The following SETD9 variants were observed in gnomAD, a reference collection of about 807,000 sequenced individuals.
The protein encoded by SETD9 is SET domain-containing protein 9.
SETD9 carries 37 observed loss-of-function variants against 36.4 expected under a neutral mutation model. That is an observed-to-expected ratio of 1.02 (90% CI 0.78 to 1.34). The LOEUF is 1.34. Ranked by LOEUF, SETD9 falls within the 40% of genes most tolerant of loss-of-function variation. The pLI is 0.00. For synonymous variants in SETD9, 128 were observed against 132.9 expected, an observed-to-expected ratio of 0.96 and a Z score of 0.26; for missense variants, 323 against 353.2, an observed-to-expected ratio of 0.91 and a Z score of 0.69.
intron 2 of SETD9, among the ~76,000 whole-genome samples, chr5:56,912,761 A>G (rs1028924374): frequency 3.3e-5 from 5 of 152,174 alleles, no homozygotes; most frequent in Admixed American, 6.5e-5. Context: ...AAATGTGTAT[A>G]TGTATATATA....
At chr5:56,926,114 A>C (rs1277422521), downstream of SETD9, among the ~76,000 whole-genome samples, 1 of 152,130 alleles carries the variant, frequency 6.6e-6, no homozygotes, top group Non-Finnish European at 1.5e-5. Context: ...TGGATTATAG[A>C]CCTAAATGTA....
At position 56,913,959 on chromosome 5, in the gene SETD9, G is replaced by A. The variant is rs780972238; in HGVS notation, c.676G>A (p.Val226Met). The A allele has an allele frequency of 1.3e-5, 21 of 1,613,632 alleles. No homozygotes were observed. Among genetic ancestry groups the A allele is most frequent in the Non-Finnish European group, 1.6e-5 (19 of 1,179,696 alleles). The change falls in exon 4 of 6, where the codon GTG becomes ATG. Residue 226 changes from valine to methionine, a missense_variant. Val to Met is a conservative substitution (Grantham distance 21). Coordinates refer to ENST00000285947, the MANE Select transcript of SETD9 (RefSeq NM_153706.4). ...GTCAGAAATTCATAACCCTCTGGCT[G>A]TGGGACAGTATGTCAACAATTGTTC... ...LTSEIHNPLA[V>M]GQYVNNCSND...
chr5:56,921,928 C>T (rs1311213678), downstream of SETD9: 1 of 152,470 alleles, frequency 6.6e-6, no homozygotes, highest in Non-Finnish European at 1.5e-5. Flanking sequence ...TTCTCATTCA[C>T]AATATTTGGA....
At chr5:56,910,461 C>T (rs1160989759) in intron 1 of SETD9, 5 of 1,205,548 alleles carry the variant, frequency 4.1e-6, no homozygotes, top group Non-Finnish European at 5.4e-6. Context: ...ACCAAAGAGG[C>T]CGACCGGGCC....
chr5:56,918,884 C>T (rs1749533366), downstream of SETD9, among the ~76,000 whole-genome samples: 1 of 152,106 alleles, frequency 6.6e-6, no homozygotes, highest in South Asian at 2.1e-4. Flanking sequence ...GAAATAATGG[C>T]AAGATAGGAG....
intron 5 of SETD9, chr5:56,922,993 A>G (rs1749744621): frequency 1.1e-5 from 7 of 660,308 alleles, no homozygotes; most frequent in Non-Finnish European, 1.8e-5. Context: ...AAATCAAGAT[A>G]TAGTTCTATA....
downstream of SETD9, chr5:56,920,679 T>A (rs891811251): frequency 6.6e-6 from 1 of 152,208 alleles, no homozygotes; most frequent in Admixed American, 6.6e-5. Context: ...AAATAGCTAT[T>A]TTACATGGAT....
chr5:56,916,344 G>T (rs1749424326), intron 5 of SETD9, among the ~76,000 whole-genome samples: 1 of 149,990 alleles, frequency 6.7e-6, no homozygotes, highest in South Asian at 2.1e-4. Flanking sequence ...GTGAGCCAAG[G>T]TCACACCACT....
At chr5:56,922,724 C>G (rs863838) in intron 5 of SETD9, 173,264 of 173,524 alleles carry the variant, frequency 1, 86,504 homozygotes, top group Middle Eastern at 1. Context: ...TACACAAAAA[C>G]AGGCCACACC....
chr5:56,923,118 CTCACTCAGG>C, intron 5 of SETD9: 1 of 1,608,216 alleles, frequency 6.2e-7, no homozygotes, highest in Non-Finnish European at 8.5e-7. Flanking sequence ...TTCCGGGATC[CTCACTCAGG>C]TCACTCAGAG....
downstream of SETD9, among the ~76,000 whole-genome samples, chr5:56,927,671 G>T (rs56984944): frequency 0.11 from 16,142 of 151,968 alleles, 1,164 homozygotes; most frequent in East Asian, 0.35. Context: ...TCCTACATTG[G>T]AGTAGTGTAT....
rs778228900 is a variant in SETD9, at chr5:56,909,664, C to A, written c.19C>A (p.Arg7=). The A allele has an allele frequency of 1.3e-5, 21 of 1,608,762 alleles. No individual in the cohort carries two copies. Among genetic ancestry groups the A allele is most frequent in the Non-Finnish European group, 1.7e-5 (20 of 1,178,232 alleles). The change falls in exon 1 of 6, where the codon CGG becomes AGG. Residue 7 remains arginine (R), a synonymous_variant. Transcript: ENST00000285947. The part of the protein sequence containing the change: MPGRLL[R]GLWQRWRRYK... ...GGCAGCCATGCCTGGCCGTCTGCTG[C>A]GGGGCCTGTGGCAGCGATGGCGCCG...
chr5:56,913,167 G>T (rs1428439117), intron 3 of SETD9, 33 bp downstream of exon 3: 1 of 1,610,030 alleles, frequency 6.2e-7, no homozygotes, highest in Non-Finnish European at 8.5e-7. Context: ...TTTAATTATA[G>T]GAGACAGAAC....
intron 1 of SETD9, 78 bp from the exon 2 acceptor site, chr5:56,911,091 A>G (rs1749093582): frequency 4.8e-6 from 7 of 1,472,384 alleles, no homozygotes; most frequent in African/African-American, 1.4e-5. Flanking sequence ...CCTTAAGGCC[A>G]GGAACCCAGA....
chr5:56,910,788 C>A, intron 1 of SETD9: 1 of 180,350 alleles, frequency 5.5e-6, no homozygotes, highest in Non-Finnish European at 1.2e-5. Context: ...TGATGACATT[C>A]AGCTTGGCTG....
downstream of SETD9, chr5:56,920,334 C>T (rs948152197): frequency 1.3e-4 from 20 of 152,620 alleles, no homozygotes; most frequent in African/African-American, 4.8e-4. Flanking sequence ...AGTTACACTT[C>T]TAAATGAATC....
At chr5:56,910,184 A>AGTGCGT (rs1749039722) in intron 1 of SETD9, 2 of 1,242,686 alleles carry the variant, frequency 1.6e-6, no homozygotes, top group Non-Finnish European at 2.1e-6. Context: ...ACCGCGTGAG[A>AGTGCGT]GTGCGTGGCT....
intron 5 of SETD9, chr5:56,923,633 A>G: frequency 1.2e-6 from 2 of 1,613,170 alleles, no homozygotes; most frequent in Non-Finnish European, 1.7e-6. Flanking sequence ...TATGACATCA[A>G]ACAGAGGACA....
chr5:56,928,815 A>G (rs949628450), downstream of SETD9: 9 of 1,613,884 alleles, frequency 5.6e-6, no homozygotes, highest in East Asian at 6.7e-5. Context: ...GCATGAGTGC[A>G]TGTTCAAAGC....
Sources: gnomAD v4.1 joint callset for allele counts (sites outside exome capture counted in the v4.1 genomes callset) on GRCh38, gnomAD v4.1.1 for gene constraint, MANE v1.5 for transcripts, NCBI Gene and HGNC (gene_info 2026-07-23, HGNC 2026-07-21) for gene names.